Variants in CTTN observed in about 807,000 individuals in gnomAD.
CTTN encodes cortactin, also known as src substrate cortactin.
A neutral mutation model predicts 84.0 loss-of-function variants in CTTN; 28 were observed. That is an observed-to-expected ratio of 0.33 (90% CI 0.25 to 0.46). CTTN has a LOEUF of 0.46. CTTN is among the 20% of genes least tolerant of loss of function. The pLI is 1.00. For synonymous variants in CTTN, 301 were observed against 288.8 expected, an observed-to-expected ratio of 1.04 and a Z score of -0.43; for missense variants, 641 against 723.8, an observed-to-expected ratio of 0.89 and a Z score of 1.31.
chr11:70,403,041 A>G (rs1310710895), intron 1 of CTTN, among the ~76,000 whole-genome samples: 1 of 152,036 alleles, frequency 6.6e-6, no homozygotes, highest in African/African-American at 2.4e-5. Flanking sequence ...TTTGATTTGC[A>G]TTTCCTTGGT....
In CTTN at chr11:70,419,726, C is replaced by T; in HGVS notation, c.569-20C>T. 6.3e-7 allele frequency: 1 copy of T among 1,588,222 alleles called. No homozygotes were observed. Among genetic ancestry groups the T allele is most frequent in the Non-Finnish European group, 8.6e-7 (1 of 1,165,512 alleles). On this transcript the variant is annotated intron_variant, in intron 8 of 17. Transcript: ENST00000301843. ...ATTTCGTTGCTCCTTTTAAAGTAGT[C>T]CTTTTTTGTTTGTTTTTAGATTACT...
rs757867974 is a variant in CTTN at position 70,433,243 on chromosome 11, A to G, written c.1409A>G (p.Tyr470Cys). Residue 470 changes from tyrosine to cysteine, a missense_variant, in exon 16 of 18, where the codon TAT becomes TGT. By Grantham distance (194) the Tyr-to-Cys change is radical. Coordinates refer to ENST00000301843, the MANE Select transcript of CTTN (RefSeq NM_005231.4). ...CTGGCCTATGCCACAGAGGCTGTCTATGAAAGCGCAGAGGCCCCGGGCCAC... is the reference window on the plus strand; with the variant it reads ...CTGGCCTATGCCACAGAGGCTGTCTGTGAAAGCGCAGAGGCCCCGGGCCAC... ...QGLAYATEAV[Y>C]ESAEAPGHYP... 2.0e-5 allele frequency: 33 copies of G among 1,612,716 alleles called. No individual in the cohort carries two copies. The highest frequency in any genetic ancestry group is 2.7e-5 in the African/African-American group (2 of 74,886).
rs370623790 is a variant in CTTN at position 70,435,253 on chromosome 11, GTT to G, written c.*115_*116del. ...TCTTGGGTGGTTTTGGGTTTTTTCTGTTTTTTTTTTTTTTTTTTTTTTTTTGA... is the reference window on the plus strand; with the variant it reads ...TCTTGGGTGGTTTTGGGTTTTTTCTGTTTTTTTTTTTTTTTTTTTTTTTGA... On this transcript the variant is annotated 3_prime_UTR_variant, in exon 18 of 18. Transcript: ENST00000301843. 0.066 allele frequency: 60,447 copies of G among 912,832 alleles called. 77 individuals are homozygous for G. The highest frequency in any genetic ancestry group is 0.12 in the Admixed American group (1,743 of 14,754). The allele number at this position is 912,832 out of a possible 1,614,324, so 56.5% of individuals were successfully genotyped here. A position where few individuals can be genotyped will look rare whatever the true frequency, so the allele number is the denominator to read the frequency against.
intron 5 of CTTN, among the ~76,000 whole-genome samples, chr11:70,411,202 G>A (rs1460393391): frequency 5.5e-5 from 8 of 145,998 alleles, no homozygotes; most frequent in African/African-American, 2.0e-4. Flanking sequence ...ACGGACAGAC[G>A]GAATCCATGT....
chr11:70,400,947 G>C (rs1474127887), intron 1 of CTTN, among the ~76,000 whole-genome samples: 1 of 152,220 alleles, frequency 6.6e-6, no homozygotes. Context: ...TTTTGGCTAC[G>C]CAAGTGTCTG....
chr11:70,422,909 A>G (rs1268144338), intron 11 of CTTN, 31 bp from the exon 12 acceptor site: 6 of 1,614,016 alleles, frequency 3.7e-6, no homozygotes, highest in Non-Finnish European at 5.1e-6. Context: ...CCTCCACCTC[A>G]GAGTAAGTGT....
chr11:70,404,209 C>A (rs1432483070), intron 1 of CTTN, among the ~76,000 whole-genome samples: 1 of 152,176 alleles, frequency 6.6e-6, no homozygotes, highest in Non-Finnish European at 1.5e-5. Flanking sequence ...TAATTAATTA[C>A]CAGGAGGGCC....
Position 70,429,183 on chromosome 11 carries a change from C to T in CTTN, c.1160C>T (p.Ala387Val). 6.2e-7 allele frequency: 1 copy of T among 1,612,838 alleles called. No homozygotes were observed. The highest frequency in any genetic ancestry group is 8.5e-7 in the Non-Finnish European group (1 of 1,179,750). ...AAGGAGCGGCAGGAGCAGGAAGAGG[C>T]CAGGAGGAAGCTGGAGGTGAGTGGC... ...MAKERQEQEE[A>V]RRKLEEQARA... The change falls in exon 14 of 18, where the codon GCC becomes GTC. Residue 387 changes from alanine (A) to valine (V), a missense_variant. By Grantham distance (64) the Ala-to-Val change is moderately conservative. Transcript: ENST00000301843.
At chr11:70,417,243 T>C (rs2135571748) in intron 8 of CTTN, 120 bp downstream of exon 8, 1 of 773,074 alleles carries the variant, frequency 1.3e-6, no homozygotes. Flanking sequence ...GGTGTTCTTT[T>C]CGTACCAGTG....
chr11:70,401,942 G>A (rs531926168), intron 1 of CTTN, among the ~76,000 whole-genome samples: 5 of 152,132 alleles, frequency 3.3e-5, no homozygotes, highest in African/African-American at 4.8e-5. Context: ...CTTGAGGCCA[G>A]GAGTTGGAGA....
intron 1 of CTTN, among the ~76,000 whole-genome samples, chr11:70,399,307 T>C (rs1591425140): frequency 1.1e-5 from 1 of 90,776 alleles, no homozygotes; most frequent in Non-Finnish European, 2.2e-5. Flanking sequence ...GGGGAAGGGG[T>C]CGGGGCTCGG....
At chr11:70,400,377 A>G (rs1205040442) in intron 1 of CTTN, among the ~76,000 whole-genome samples, 1 of 152,024 alleles carries the variant, frequency 6.6e-6, no homozygotes, top group Non-Finnish European at 1.5e-5. Context: ...GAGGCAGAGG[A>G]TCTCAAGCCC....
chr11:70,410,642 C>T (rs1173078355), intron 5 of CTTN, among the ~76,000 whole-genome samples: 2 of 152,176 alleles, frequency 1.3e-5, no homozygotes, highest in Non-Finnish European at 1.5e-5. Flanking sequence ...AGGAGGGCTA[C>T]CTTTTCCTTC....
chr11:70,426,432 A>G (rs890188196), intron 13 of CTTN, among the ~76,000 whole-genome samples: 1 of 148,894 alleles, frequency 6.7e-6, no homozygotes, highest in Non-Finnish European at 1.5e-5. Flanking sequence ...AAAAAGAGAG[A>G]GAGGAATGGT....
intron 4 of CTTN, among the ~76,000 whole-genome samples, chr11:70,408,687 G>A (rs555867980): frequency 6.6e-6 from 1 of 152,242 alleles, no homozygotes; most frequent in African/African-American, 2.4e-5. Flanking sequence ...GGTGTGTGCC[G>A]CCGCACCTGG....
chr11:70,422,736 T>C, intron 11 of CTTN: 1 of 1,451,852 alleles, frequency 6.9e-7, no homozygotes, highest in South Asian at 1.3e-5. Flanking sequence ...CCCTGGCCTG[T>C]GCTCTGCTTC....
intron 4 of CTTN, chr11:70,408,127 G>A (rs1360156935): frequency 6.6e-6 from 1 of 152,240 alleles, no homozygotes; most frequent in Non-Finnish European, 1.5e-5. Context: ...AGCTCTTGGG[G>A]CAGTTTTTTT....
chr11:70,436,145 TATC>T lies in CTTN; in HGVS notation c.*986_*988del, dbSNP rs1313887644. 6.2e-6 allele frequency: 9 copies of T among 1,446,144 alleles called. No individual in the cohort carries two copies. Among genetic ancestry groups the T allele is most frequent in the Non-Finnish European group, 8.1e-6 (9 of 1,106,076 alleles). 89.6% of individuals were successfully genotyped at this position (1,446,144 alleles called of 1,614,324 possible). On this transcript the variant is annotated 3_prime_UTR_variant, in exon 18 of 18. Transcript: ENST00000301843. ...TGGGGGTGTAGTATTTTTGCCAAAA[TATC>T]ATGTTCAATTTCAGTAGTTTGATCA... is the stretch of plus-strand genomic sequence containing the variant.
rs762293997 is a variant in CTTN, at chr11:70,429,166, G to A, written c.1143G>A (p.Arg381=). The A allele has an allele frequency of 1.2e-6, 2 of 1,613,626 alleles. No individual in the cohort carries two copies. The highest frequency in any genetic ancestry group is 1.1e-5 in the South Asian group (1 of 91,050). Residue 381 remains arginine (R), a synonymous_variant, in exon 14 of 18, where the codon CGG becomes CGA. Coordinates refer to ENST00000301843, the MANE Select transcript of CTTN (RefSeq NM_005231.4). Reference sequence around the variant, plus strand: ...GAGCCCAGCGGATGGCCAAGGAGCGGCAGGAGCAGGAAGAGGCCAGGAGGA... The same window carrying A: ...GAGCCCAGCGGATGGCCAAGGAGCGACAGGAGCAGGAAGAGGCCAGGAGGA... ...AERAQRMAKE[R]QEQEEARRKL...
Sources: gnomAD v4.1 joint callset for allele counts (sites outside exome capture counted in the v4.1 genomes callset) on GRCh38, gnomAD v4.1.1 for gene constraint, MANE v1.5 for transcripts, NCBI Gene and HGNC (gene_info 2026-07-23, HGNC 2026-07-21) for gene names.